Variants in SARNP observed in about 807,000 individuals in gnomAD.
SARNP encodes the protein SAP domain containing ribonucleoprotein, also known as SAP domain-containing ribonucleoprotein.
In SARNP, 5 loss-of-function variants were observed where a neutral mutation model predicts 38.1. That is an observed-to-expected ratio of 0.13 (90% CI 0.07 to 0.28). SARNP has a LOEUF of 0.28. Among genes scored for constraint, SARNP ranks in the 10% least tolerant of loss-of-function variants. The pLI, the probability that SARNP is intolerant of heterozygous loss-of-function variation, is 1.00. For synonymous variants in SARNP, 84 were observed against 80.6 expected (o/e 1.04, Z -0.23); for missense variants, 180 against 243.9 (o/e 0.74, Z 1.75).
chr12:55,764,432 G>A (rs1190520694), intron 9 of SARNP, among the ~76,000 whole-genome samples: 1 of 151,854 alleles, frequency 6.6e-6, no homozygotes, highest in Non-Finnish European at 1.5e-5. Context: ...TTGGGAGGCT[G>A]AGGCAGGAGA....
chr12:55,775,691 A>G (rs1330847179), intron 9 of SARNP, among the ~76,000 whole-genome samples: 1 of 152,116 alleles, frequency 6.6e-6, no homozygotes, highest in African/African-American at 2.4e-5. Context: ...AACATCACCA[A>G]CAAGTATTCC....
intron 1 of SARNP, chr12:55,815,817 G>C (rs866154916): frequency 6.6e-6 from 1 of 152,220 alleles, no homozygotes; most frequent in Non-Finnish European, 1.5e-5. Context: ...CTACAAGGTA[G>C]TTTTATGAAG....
At chr12:55,758,758 T>C (rs1168221693) in intron 10 of SARNP, among the ~76,000 whole-genome samples, 1 of 152,160 alleles carries the variant, frequency 6.6e-6, no homozygotes, top group Non-Finnish European at 1.5e-5. Context: ...GTAAGCTTCC[T>C]GAGGCCTCCC....
intron 10 of SARNP, 38 bp from the exon 11 acceptor site, chr12:55,757,591 A>C (rs774627209): frequency 6.4e-7 from 1 of 1,563,732 alleles, no homozygotes; most frequent in South Asian, 1.1e-5. Flanking sequence ...ATTAGACTGA[A>C]GACAATAGTT....
At chr12:55,770,986 A>G (rs1004857621) in intron 9 of SARNP, among the ~76,000 whole-genome samples, 5 of 144,568 alleles carry the variant, frequency 3.5e-5, no homozygotes, top group Non-Finnish European at 7.5e-5. Context: ...CCCAAGCTGG[A>G]GTGTGCAATG....
chr12:55,794,957 TAAAAAAAA>T (rs373511418), intron 5 of SARNP, 77 bp from the exon 6 acceptor site: 42 of 145,424 alleles, frequency 2.9e-4, no homozygotes, highest in African/African-American at 8.7e-4. Flanking sequence ...TAGGTATCTT[TAAAAAAAA>T]AAAAAAAAAA....
downstream of SARNP, chr12:55,756,993 C>CTT (rs1878525219): frequency 6.6e-6 from 1 of 152,244 alleles, no homozygotes; most frequent in African/African-American, 2.4e-5. Context: ...TAAAACCTCC[C>CTT]ATGTTCTGTT....
chr12:55,804,604 A>T (rs1880080822), intron 1 of SARNP, among the ~76,000 whole-genome samples: 1 of 152,166 alleles, frequency 6.6e-6, no homozygotes, highest in Admixed American at 6.6e-5. Context: ...TAGGCAAAGA[A>T]GGTTAACAGT....
chr12:55,760,059 A>C (rs1173498348), intron 10 of SARNP, among the ~76,000 whole-genome samples: 1 of 152,220 alleles, frequency 6.6e-6, no homozygotes, highest in Non-Finnish European at 1.5e-5. Flanking sequence ...TTAGAATCCA[A>C]GCCTACCTGA....
At chr12:55,775,035 T>C (rs1045178764) in intron 9 of SARNP, among the ~76,000 whole-genome samples, 2 of 150,884 alleles carry the variant, frequency 1.3e-5, no homozygotes, top group Non-Finnish European at 3.0e-5. Flanking sequence ...TACAAGTGTG[T>C]GCCACCACAC....
At chr12:55,774,166 C>T (rs1218433331) in intron 9 of SARNP, among the ~76,000 whole-genome samples, 1 of 151,940 alleles carries the variant, frequency 6.6e-6, no homozygotes, top group Admixed American at 6.6e-5. Context: ...CCCCACCCAG[C>T]TAATTGTTTA....
intron 9 of SARNP, among the ~76,000 whole-genome samples, chr12:55,787,406 G>A: frequency 6.6e-6 from 1 of 152,086 alleles, no homozygotes; most frequent in South Asian, 2.1e-4. Flanking sequence ...TTTCTAGAGA[G>A]CTAAACGCTT....
intron 7 of SARNP, chr12:55,794,086 G>A (rs1340926980): frequency 2.1e-5 from 9 of 427,314 alleles, no homozygotes; most frequent in Non-Finnish European, 2.9e-5. Context: ...CCCAGAATAA[G>A]TAAGCAAAGT....
At chr12:55,767,848 GAAAAAAAAAAAA>G (rs767928003) in intron 9 of SARNP, among the ~76,000 whole-genome samples, 1 of 35,404 alleles carries the variant, frequency 2.8e-5, no homozygotes, top group Admixed American at 3.3e-4. Context: ...CTCCCTCTCA[GAAAAAAAAAAAA>G]AAAAAAAAAA....
chr12:55,794,444 T>C, intron 6 of SARNP, 57 bp from the exon 7 acceptor site: 2 of 1,473,918 alleles, frequency 1.4e-6, no homozygotes, highest in South Asian at 2.4e-5. Context: ...CTGGTTTGTC[T>C]GTCTCCGTGT....
rs1265186962 is a variant in SARNP at position 55,796,052 on chromosome 12, T to C, written c.276A>G (p.Lys92=). ...CAGTCTGTGGTATTTCAGATGTAAT[T>C]TTCACCACTTTCTTCTCTGCTGCCC... The part of the protein sequence containing the change: ...VDVAAEKKVV[K]ITSEIPQTER... The change falls in exon 5 of 11, where the codon AAA becomes AAG. Residue 92 remains lysine (K), a synonymous_variant. Transcript: ENST00000336133. 1.2e-6 allele frequency: 2 copies of C among 1,610,724 alleles called. No individual in the cohort carries two copies. Among genetic ancestry groups the C allele is most frequent in the African/African-American group, 2.7e-5 (2 of 74,826 alleles).
At chr12:55,799,965 G>A (rs1307192861) in intron 4 of SARNP, among the ~76,000 whole-genome samples, 8 of 151,680 alleles carry the variant, frequency 5.3e-5, no homozygotes, top group Non-Finnish European at 1.0e-4. Context: ...CAAGGCAGAC[G>A]GATCATTTGA....
chr12:55,814,711 A>T (rs1040688863), intron 1 of SARNP, among the ~76,000 whole-genome samples: 2 of 152,186 alleles, frequency 1.3e-5, no homozygotes, highest in African/African-American at 4.8e-5. Flanking sequence ...TCTACTAAAA[A>T]TACAAAAATT....
chr12:55,813,263 G>C (rs1880384427), intron 1 of SARNP, among the ~76,000 whole-genome samples: 1 of 152,106 alleles, frequency 6.6e-6, no homozygotes, highest in African/African-American at 2.4e-5. Context: ...GATTTTTTAA[G>C]AACACACAGG....
Sources: allele counts gnomAD v4.1 joint callset (sites outside exome capture counted in the v4.1 genomes callset), GRCh38; gene constraint gnomAD v4.1.1; transcripts MANE v1.5; gene names NCBI Gene and HGNC (gene_info 2026-07-23, HGNC 2026-07-21).